Variants in IMMP2L observed in about 807,000 individuals in gnomAD.
IMMP2L encodes the protein inner mitochondrial membrane peptidase subunit 2.
A neutral mutation model predicts 19.3 loss-of-function variants in IMMP2L; 18 were observed. The ratio of observed to expected loss-of-function variants is 0.93; its 90% CI spans 0.64 to 1.38. The LOEUF (loss-of-function observed/expected upper bound fraction) is 1.38. Among genes scored for constraint, IMMP2L ranks in the 40% most tolerant of loss-of-function variants. The probability of loss-of-function intolerance (pLI) is 0.00; values close to 1 mark genes in which losing one functional copy is unlikely to be tolerated. For missense variants in IMMP2L, 233 were observed against 218.2 expected, an observed-to-expected ratio of 1.07 and a Z score of -0.43; for synonymous variants, 76 against 73.0, an observed-to-expected ratio of 1.04 and a Z score of -0.21.
At chr7:111,389,520 A>T (rs1183329621) in intron 3 of IMMP2L, among the ~76,000 whole-genome samples, 1 of 152,052 alleles carries the variant, frequency 6.6e-6, no homozygotes, top group Non-Finnish European at 1.5e-5. Flanking sequence ...TCATGTCTCC[A>T]ATGTACTCTC....
At chr7:110,784,439 C>G (rs2131101959) in intron 5 of IMMP2L, among the ~76,000 whole-genome samples, 1 of 152,030 alleles carries the variant, frequency 6.6e-6, no homozygotes, top group South Asian at 2.1e-4. Context: ...ACTCTTGATT[C>G]CATCTTCATC....
At chr7:110,869,345 A>C (rs1808312156) in intron 5 of IMMP2L, among the ~76,000 whole-genome samples, 1 of 152,160 alleles carries the variant, frequency 6.6e-6, no homozygotes, top group Non-Finnish European at 1.5e-5. Flanking sequence ...ACATAAGTGC[A>C]ATAGTTGTAA....
chr7:110,978,501 A>C (rs1585556746), intron 3 of IMMP2L, among the ~76,000 whole-genome samples: 1 of 151,970 alleles, frequency 6.6e-6, no homozygotes, highest in East Asian at 1.9e-4. Flanking sequence ...TACTATTTGC[A>C]ATGTGGTTTC....
intron 3 of IMMP2L, among the ~76,000 whole-genome samples, chr7:111,070,751 A>G (rs1794884660): frequency 6.6e-6 from 1 of 152,204 alleles, no homozygotes; most frequent in African/African-American, 2.4e-5. Context: ...GGTGTAGTAT[A>G]TGATATTTTA....
intron 3 of IMMP2L, among the ~76,000 whole-genome samples, chr7:111,335,146 T>C (rs1311631102): frequency 6.6e-6 from 1 of 152,010 alleles, no homozygotes; most frequent in African/African-American, 2.4e-5. Flanking sequence ...AAAAGAGACC[T>C]AAAAAAACTT....
At position 111,025,027 on chromosome 7, in the gene IMMP2L, A is replaced by G. The variant is rs181044356; in HGVS notation, c.240-61462T>C. On this transcript the variant is annotated intron_variant, in intron 3 of 5. Transcript: ENST00000405709. ...CATTACCAAATTATCAGATTCTCCA[A>G]ATAGGAATGGAAATGGTTCATCTAT... Among the ~76,000 whole-genome samples the G allele has an allele frequency of 9.2e-5, 14 of 152,308 alleles. No individual in the cohort carries two copies. In the East Asian group the frequency reaches 2.5e-3, roughly 27 times the overall value.
chr7:110,822,218 C>G (rs1419116562), intron 5 of IMMP2L, among the ~76,000 whole-genome samples: 1 of 152,066 alleles, frequency 6.6e-6, no homozygotes, highest in Non-Finnish European at 1.5e-5. Context: ...CCTTTCTTTC[C>G]TTCAATCTTA....
At chr7:110,669,946 G>A (rs1362711466) in intron 5 of IMMP2L, among the ~76,000 whole-genome samples, 7 of 152,102 alleles carry the variant, frequency 4.6e-5, no homozygotes, top group Non-Finnish European at 7.4e-5. Flanking sequence ...TAGGTCCCAC[G>A]TTCTTTCCTG....
intron 3 of IMMP2L, among the ~76,000 whole-genome samples, chr7:111,454,247 T>C (rs1338126733): frequency 6.6e-6 from 1 of 152,158 alleles, no homozygotes; most frequent in African/African-American, 2.4e-5. Flanking sequence ...ATCCTCCATC[T>C]CTGCCTCCAG....
chr7:110,951,405 A>G (rs2129554208), intron 4 of IMMP2L, among the ~76,000 whole-genome samples: 1 of 152,230 alleles, frequency 6.6e-6, no homozygotes, highest in South Asian at 2.1e-4. Flanking sequence ...AACAATCATA[A>G]CAAAAATTTG....
At chr7:111,067,164 A>C (rs1394115645) in intron 3 of IMMP2L, among the ~76,000 whole-genome samples, 2 of 152,212 alleles carry the variant, frequency 1.3e-5, no homozygotes, top group Non-Finnish European at 2.9e-5. Context: ...CACAACCATG[A>C]GTATAGCAGC....
At chr7:111,522,489 C>T (rs149922506) in intron 1 of IMMP2L, among the ~76,000 whole-genome samples, 4 of 151,918 alleles carry the variant, frequency 2.6e-5, no homozygotes, top group Admixed American at 6.6e-5. Context: ...TTAAAAAATG[C>T]CCAAGAGCTT....
intron 3 of IMMP2L, among the ~76,000 whole-genome samples, chr7:111,207,532 TGG>T (rs370355059): frequency 6.9e-6 from 1 of 144,356 alleles, no homozygotes; most frequent in Non-Finnish European, 1.5e-5. Context: ...GTTTTATTTT[TGG>T]TTTTTTTTTT....
rs1265393086 is a variant in IMMP2L at position 110,757,229 on chromosome 7, G to A, written c.409-93508C>T. Reference sequence around the variant, plus strand: ...GGGGTGAAATCAGGGCTGGCTTCACGGGTGTGCAATCTGGGGAGTCACTGA... The same window carrying A: ...GGGGTGAAATCAGGGCTGGCTTCACAGGTGTGCAATCTGGGGAGTCACTGA... On this transcript the variant is annotated intron_variant, in intron 5 of 5. Coordinates refer to ENST00000405709, the MANE Select transcript of IMMP2L (RefSeq NM_032549.4). This position sits in a 1 kb window ranked among gnomAD's most constrained non-coding sequence, Gnocchi z 4.2. Among the ~76,000 whole-genome samples the A allele has an allele frequency of 3.3e-5, 5 of 151,954 alleles. No individual in the cohort carries two copies. The highest frequency in any genetic ancestry group is 3.2e-3 in the Middle Eastern group (1 of 316).
intron 3 of IMMP2L, among the ~76,000 whole-genome samples, chr7:111,149,983 G>A (rs986523337): frequency 6.6e-6 from 1 of 152,136 alleles, no homozygotes; most frequent in Non-Finnish European, 1.5e-5. Context: ...ATTTGGATAT[G>A]TCAGGGAGCC....
At chr7:111,451,017 C>G (rs887005621) in intron 3 of IMMP2L, among the ~76,000 whole-genome samples, 16 of 150,518 alleles carry the variant, frequency 1.1e-4, no homozygotes, top group African/African-American at 4.0e-4. Flanking sequence ...GAGATATCAT[C>G]TCACACCAGT....
intron 3 of IMMP2L, among the ~76,000 whole-genome samples, chr7:111,339,119 A>G (rs1354529974): frequency 1.3e-5 from 2 of 152,128 alleles, no homozygotes; most frequent in Non-Finnish European, 2.9e-5. Flanking sequence ...TACTTTCAGG[A>G]AACAGAAGCA....
chr7:111,392,660 A>T, intron 3 of IMMP2L: 1 of 416,558 alleles, frequency 2.4e-6, no homozygotes, highest in Non-Finnish European at 4.8e-6. Context: ...TTTAGTGCTC[A>T]GTCCCACAAA....
intron 2 of IMMP2L, among the ~76,000 whole-genome samples, chr7:111,510,231 T>C (rs1423112621): frequency 6.6e-6 from 1 of 152,098 alleles, no homozygotes; most frequent in Non-Finnish European, 1.5e-5. Context: ...GTAAAAAGAA[T>C]TTCAAAAGCT....
Sources: gnomAD v4.1 joint callset for allele counts (sites outside exome capture counted in the v4.1 genomes callset) on GRCh38, gnomAD v4.1.1 for gene constraint, Gnocchi (gnomAD v3.1) non-coding constraint, MANE v1.5 for transcripts, NCBI Gene and HGNC (gene_info 2026-07-23, HGNC 2026-07-21) for gene names.